The following MB21D2 variants were observed in gnomAD, a reference collection of about 807,000 sequenced individuals.
MB21D2 encodes Mab-21 domain containing 2.
Under a neutral mutation model 33.3 loss-of-function variants are expected in MB21D2, and 9 were observed. The observed-to-expected ratio is 0.27, with a 90% CI of 0.16 to 0.47. MB21D2 has a LOEUF of 0.47. Ranked by LOEUF, MB21D2 falls within the 20% of genes least tolerant of loss-of-function variation. The probability of loss-of-function intolerance (pLI) is 0.99; values close to 1 mark genes in which losing one functional copy is unlikely to be tolerated. For missense variants in MB21D2, 540 were observed against 624.6 expected (o/e 0.86, Z 1.44); for synonymous variants, 241 against 236.3 (o/e 1.02, Z -0.18).
At chr3:192,831,805 A>T (rs1037115524) in intron 1 of MB21D2, among the ~76,000 whole-genome samples, 2 of 152,216 alleles carry the variant, frequency 1.3e-5, no homozygotes, top group Admixed American at 1.3e-4. Context: ...TGGTGTAAGG[A>T]TCAATGGAAT....
chr3:192,830,560 CTCT>C (rs1712293770), intron 1 of MB21D2, among the ~76,000 whole-genome samples: 1 of 152,306 alleles, frequency 6.6e-6, no homozygotes, highest in East Asian at 1.9e-4. Flanking sequence ...AGGCAGCCTC[CTCT>C]GTTTCTCTGG....
intron 1 of MB21D2, among the ~76,000 whole-genome samples, chr3:192,854,805 T>C (rs1390195892): frequency 6.6e-6 from 1 of 152,238 alleles, no homozygotes; most frequent in African/African-American, 2.4e-5. Flanking sequence ...CTGCCTGTGC[T>C]CTATAAATGG....
chr3:192,883,662 C>G (rs1450471715), intron 1 of MB21D2, among the ~76,000 whole-genome samples: 1 of 152,072 alleles, frequency 6.6e-6, no homozygotes. Flanking sequence ...TCTGTGACAA[C>G]AGAGTTCGGT....
intron 1 of MB21D2, among the ~76,000 whole-genome samples, chr3:192,825,482 AAG>A (rs946255354): frequency 1.9e-4 from 28 of 149,192 alleles, no homozygotes; most frequent in African/African-American, 6.8e-4. Context: ...ATGAAATAAA[AAG>A]AAAAAAATCA....
At chr3:192,915,404 G>T (rs897753602) in intron 1 of MB21D2, among the ~76,000 whole-genome samples, 4 of 152,208 alleles carry the variant, frequency 2.6e-5, no homozygotes, top group African/African-American at 7.2e-5. Context: ...CTCCACTTGT[G>T]TAGAGCAGCC....
intron 1 of MB21D2, among the ~76,000 whole-genome samples, chr3:192,903,786 C>T (rs1428244956): frequency 6.6e-6 from 1 of 152,230 alleles, no homozygotes; most frequent in Non-Finnish European, 1.5e-5. Flanking sequence ...CAAGCTCTCA[C>T]TCTGAGCTGT....
intron 1 of MB21D2, among the ~76,000 whole-genome samples, chr3:192,804,089 A>C (rs1711610981): frequency 6.6e-6 from 1 of 152,178 alleles, no homozygotes; most frequent in Non-Finnish European, 1.5e-5. Context: ...GTACCCTTTT[A>C]TATAGATACT....
intron 1 of MB21D2, among the ~76,000 whole-genome samples, chr3:192,848,718 T>C (rs1712723114): frequency 6.6e-6 from 1 of 152,218 alleles, no homozygotes; most frequent in African/African-American, 2.4e-5. Flanking sequence ...ATCTCTACTT[T>C]TCAAAGTATA....
intron 1 of MB21D2, among the ~76,000 whole-genome samples, chr3:192,880,383 G>C (rs1173447654): frequency 6.6e-6 from 1 of 152,008 alleles, no homozygotes; most frequent in African/African-American, 2.4e-5. Flanking sequence ...CACTGTTTCA[G>C]GTTGGATTCT....
intron 1 of MB21D2, among the ~76,000 whole-genome samples, chr3:192,801,789 G>A (rs1277548100): frequency 6.6e-6 from 1 of 152,128 alleles, no homozygotes; most frequent in Admixed American, 6.5e-5. Context: ...CAGCCTGAAT[G>A]AACTAAGACA....
At chr3:192,869,572 T>A (rs1417886687) in intron 1 of MB21D2, among the ~76,000 whole-genome samples, 1 of 152,160 alleles carries the variant, frequency 6.6e-6, no homozygotes, top group Non-Finnish European at 1.5e-5. Context: ...CAGGCTCTAG[T>A]CACAGTTGGG....
intron 1 of MB21D2, among the ~76,000 whole-genome samples, chr3:192,859,847 T>C (rs1430839309): frequency 2.0e-5 from 3 of 152,196 alleles, no homozygotes; most frequent in Non-Finnish European, 4.4e-5. Context: ...GAAAAGTATT[T>C]AGACTTTTCG....
chr3:192,812,781 G>A (rs1711816285), intron 1 of MB21D2, among the ~76,000 whole-genome samples: 1 of 152,140 alleles, frequency 6.6e-6, no homozygotes. Context: ...GGAAGCAGGA[G>A]AAAAGTTACT....
At chr3:192,836,374 T>A (rs1468455706) in intron 1 of MB21D2, among the ~76,000 whole-genome samples, 1 of 152,188 alleles carries the variant, frequency 6.6e-6, no homozygotes, top group Non-Finnish European at 1.5e-5. Context: ...ATGGGCTAAG[T>A]TGTGGACTCA....
At chr3:192,899,486 G>A (rs6786412) in intron 1 of MB21D2, among the ~76,000 whole-genome samples, 77,903 of 151,620 alleles carry the variant, frequency 0.51, 20,120 homozygotes, top group South Asian at 0.53. Context: ...CCGAGATCAC[G>A]CCACTGCACT....
Position 192,880,701 on chromosome 3 carries a change from C to T in MB21D2, c.211+36929G>A, listed in dbSNP as rs531130458. Among the ~76,000 whole-genome samples, 5 of 152,226 alleles carry T rather than the reference C, an allele frequency of 3.3e-5. No individual in the cohort carries two copies. In the South Asian group the frequency reaches 1.0e-3, roughly 32 times the overall value. On this transcript the variant is annotated intron_variant, in intron 1 of 1. Coordinates refer to ENST00000392452, the MANE Select transcript of MB21D2 (RefSeq NM_178496.4). ...CACCACCTGTAACTGTCAGCAAGCC[C>T]TCCCCCAGAGGGAGCCAGGGTGGCA...
intron 1 of MB21D2, among the ~76,000 whole-genome samples, chr3:192,891,811 G>A (rs773362167): frequency 5.9e-5 from 9 of 152,062 alleles, no homozygotes; most frequent in Non-Finnish European, 1.3e-4. Flanking sequence ...GTTATTACTG[G>A]TATAGAGGTG....
chr3:192,799,667 A>G lies in MB21D2; in HGVS notation c.212-17T>C, dbSNP rs767826893. 1 of 1,603,944 alleles carries G rather than the reference A, an allele frequency of 6.2e-7. No individual in the cohort carries two copies. The highest frequency in any genetic ancestry group is 8.5e-7 in the Non-Finnish European group (1 of 1,175,890). On this transcript the variant is annotated splice_polypyrimidine_tract_variant and intron_variant, in intron 1 of 1. Coordinates refer to ENST00000392452, the MANE Select transcript of MB21D2 (RefSeq NM_178496.4). The surrounding 1 kb of genome is among the most constrained non-coding windows in gnomAD (Gnocchi z 4.1). ...GCACCATTCCTGGAAATAAAGAAGA[A>G]AAAAACAACACTATTACAGGAAACA...
chr3:192,833,696 T>A (rs1272034202), intron 1 of MB21D2, among the ~76,000 whole-genome samples: 1 of 152,146 alleles, frequency 6.6e-6, no homozygotes, highest in East Asian at 1.9e-4. Context: ...ACCCTAGAAC[T>A]CTGGGTGCAC....
Sources: allele counts gnomAD v4.1 joint callset (sites outside exome capture counted in the v4.1 genomes callset), GRCh38; gene constraint gnomAD v4.1.1; non-coding constraint Gnocchi (gnomAD v3.1); transcripts MANE v1.5; gene names NCBI Gene and HGNC (gene_info 2026-07-23, HGNC 2026-07-21).